NPC1: variants seen among roughly 807,000 people sequenced by gnomAD.
The protein encoded by NPC1 is Niemann-Pick C1 protein.
Under a neutral mutation model 140.4 loss-of-function variants are expected in NPC1, and 85 were observed. The ratio of observed to expected loss-of-function variants is 0.61; its 90% CI spans 0.51 to 0.72. The LOEUF (loss-of-function observed/expected upper bound fraction) is 0.72. NPC1 is among the 30% of genes least tolerant of loss of function. The probability of loss-of-function intolerance (pLI) is 0.00; values close to 1 mark genes in which losing one functional copy is unlikely to be tolerated. For missense variants in NPC1, 1,504 were observed against 1,623.8 expected, an observed-to-expected ratio of 0.93 and a Z score of 1.27; for synonymous variants, 656 against 624.8, an observed-to-expected ratio of 1.05 and a Z score of -0.74.
chr18:23,508,936 C>G (rs2057779533), intron 3 of NPC1, among the ~76,000 whole-genome samples: 2 of 152,150 alleles, frequency 1.3e-5, no homozygotes, highest in Admixed American at 1.3e-4. Flanking sequence ...GAGCTCTGGT[C>G]AGTTACTTTT....
intron 2 of NPC1, among the ~76,000 whole-genome samples, chr18:23,572,641 C>T (rs2059219770): frequency 7.3e-6 from 1 of 136,780 alleles, no homozygotes; most frequent in Non-Finnish European, 1.6e-5. Flanking sequence ...TGAGACCAGG[C>T]TAGGCAACAT....
In NPC1 at chr18:23,545,120, T is replaced by C; in HGVS notation, c.1787A>G (p.Asn596Ser). Reference protein sequence around the residue: ...EFINFVKNYKNPNLTISFTAE... With the variant: ...EFINFVKNYKSPNLTISFTAE... Reference sequence around the variant, plus strand: ...AGTGAAGGAAATGGTCAGATTGGGATTCTTGTAGTTTTTCACAAAATTAAT... The same window carrying C: ...AGTGAAGGAAATGGTCAGATTGGGACTCTTGTAGTTTTTCACAAAATTAAT... Residue 596 changes from asparagine (N) to serine (S), a missense_variant, in exon 12 of 25, where the codon AAT becomes AGT. By Grantham distance (46) the Asn-to-Ser change is conservative. Coordinates refer to ENST00000269228, the MANE Select transcript of NPC1 (RefSeq NM_000271.5). 1 of 1,613,408 alleles carries C rather than the reference T, an allele frequency of 6.2e-7. No homozygotes were observed. Among genetic ancestry groups the C allele is most frequent in the Non-Finnish European group, 8.5e-7 (1 of 1,179,322 alleles).
Position 23,531,738 on chromosome 18 carries a change from A to G in NPC1, c.*464T>C. The stretch of plus-strand genomic sequence containing the variant: ...GCTGTTTTTTTATATAAAAATGTGT[A>G]CAAAGTTAATTTATTGCATTAATAA... On this transcript the variant is annotated 3_prime_UTR_variant, in exon 25 of 25. Coordinates refer to ENST00000269228, the MANE Select transcript of NPC1 (RefSeq NM_000271.5). The G allele has an allele frequency of 6.3e-7, 1 of 1,593,372 alleles. No individual in the cohort carries two copies. The highest frequency in any genetic ancestry group is 8.5e-7 in the Non-Finnish European group (1 of 1,174,054).
intron 1 of NPC1, among the ~76,000 whole-genome samples, chr18:23,584,197 AT>A (rs1473445303): frequency 8.5e-5 from 13 of 152,194 alleles, no homozygotes; most frequent in African/African-American, 3.1e-4. Flanking sequence ...CCCAACATGT[AT>A]TTCAGATCTT....
At chr18:23,537,782 C>T (rs2058653831) in intron 20 of NPC1, among the ~76,000 whole-genome samples, 1 of 152,204 alleles carries the variant, frequency 6.6e-6, no homozygotes, top group Admixed American at 6.5e-5. Flanking sequence ...GTAAATCAAG[C>T]TGCAAGATTC....
chr18:23,536,424 C>G (rs749285836), intron 21 of NPC1, among the ~76,000 whole-genome samples: 1 of 152,214 alleles, frequency 6.6e-6, no homozygotes, highest in Non-Finnish European at 1.5e-5. Context: ...CAGTGTGTGT[C>G]TCTTGCAGCT....
chr18:23,535,544 G>T lies in NPC1; in HGVS notation c.3402C>A (p.Val1134=), dbSNP rs1392581535. The change falls in exon 22 of 25, where the codon GTC becomes GTA. Residue 1134 remains valine (V), a synonymous_variant. Transcript: ENST00000269228. The part of the protein sequence containing the change: ...AVIMCATIAM[V]LVNMFGVMWL... ...ACATAACTCCAAACATGTTGACCAAGACCATGGCGATGGTGGCACACATGA... is the reference window on the plus strand; with the variant it reads ...ACATAACTCCAAACATGTTGACCAATACCATGGCGATGGTGGCACACATGA... The T allele has an allele frequency of 1.2e-6, 2 of 1,614,056 alleles. No homozygotes were observed. The highest frequency in any genetic ancestry group is 1.3e-5 in the African/African-American group (1 of 75,026).
chr18:23,548,739 T>C (rs896790829), intron 10 of NPC1, among the ~76,000 whole-genome samples: 2 of 152,202 alleles, frequency 1.3e-5, no homozygotes, highest in Non-Finnish European at 2.9e-5. Context: ...CCTATAAATA[T>C]TTTAATGTGT....
rs781251338 is a variant in NPC1, at chr18:23,538,526, T to A, written c.3041+16A>T. The A allele has an allele frequency of 1.2e-5, 19 of 1,614,014 alleles. No individual in the cohort carries two copies. Among genetic ancestry groups the A allele is most frequent in the Non-Finnish European group, 6.8e-6 (8 of 1,180,000 alleles). ...AGTTGCAGTGGATGCTTATCTGCAA[T>A]GGCAGCAGCACTTACCCTTTGCCAC... On this transcript the variant is annotated intron_variant, in intron 20 of 24. Transcript: ENST00000269228.
Position 23,567,384 on chromosome 18 carries a change from CAT to C in NPC1, c.463+1437_463+1438del, listed in dbSNP as rs1294689029. Among the ~76,000 whole-genome samples the C allele has an allele frequency of 1.6e-4, 25 of 152,298 alleles. No homozygotes were observed. In the East Asian group the frequency reaches 3.5e-3, roughly 21 times the overall value. On this transcript the variant is annotated intron_variant, in intron 4 of 24. Coordinates refer to ENST00000269228, the MANE Select transcript of NPC1 (RefSeq NM_000271.5). ...GTTTTAATTTGTAATTCTCTAATGA[CAT>C]AATGTTGAGCATCTCTTCTCATGTA... is the stretch of plus-strand genomic sequence containing the variant.
At chr18:23,518,937 C>T, downstream of NPC1, 1 of 1,614,166 alleles carries the variant, frequency 6.2e-7, no homozygotes, top group Non-Finnish European at 8.5e-7. Context: ...TCTCGGACCT[C>T]CAACAGCACA....
intron 24 of NPC1, chr18:23,533,060 T>C: frequency 1.4e-6 from 1 of 733,732 alleles, no homozygotes; most frequent in Non-Finnish European, 1.9e-6. Context: ...AGGGAGGAGC[T>C]GCCCTGCCTG....
intron 3 of NPC1, among the ~76,000 whole-genome samples, chr18:23,511,024 C>T (rs1039090685): frequency 1.4e-4 from 22 of 152,180 alleles, no homozygotes; most frequent in Non-Finnish European, 2.2e-4. Context: ...GGCACATGCA[C>T]GTGAATGTTC....
downstream of NPC1, chr18:23,529,632 T>C (rs757043028): frequency 2.1e-5 from 34 of 1,613,712 alleles, no homozygotes; most frequent in Non-Finnish European, 2.6e-5. Context: ...TTTTTCTCCC[T>C]AGGAGATGCC....
Position 23,531,526 on chromosome 18 carries a change from AAAAATAAGTT to A in NPC1, c.*666_*675del. The A allele has an allele frequency of 6.6e-7, 1 of 1,522,044 alleles. No individual in the cohort carries two copies. The highest frequency in any genetic ancestry group is 1.3e-5 in the South Asian group (1 of 76,304). 94.3% of individuals were successfully genotyped at this position (1,522,044 alleles called of 1,614,324 possible). ...AGGAAAACAATGTATTTTATTAAAG[AAAAATAAGTT>A]AAAACCCAGTAGACACACCTACGAG... On this transcript the variant is annotated 3_prime_UTR_variant, in exon 25 of 25. Transcript: ENST00000269228.
downstream of NPC1, chr18:23,529,135 C>G: frequency 1.3e-6 from 2 of 1,594,510 alleles, no homozygotes; most frequent in Non-Finnish European, 1.7e-6. Context: ...AGCACCCTTC[C>G]TCTAAGATGC....
chr18:23,562,938 T>A (rs1450829533), intron 4 of NPC1, among the ~76,000 whole-genome samples: 1 of 152,250 alleles, frequency 6.6e-6, no homozygotes, highest in East Asian at 1.9e-4. Flanking sequence ...TAATGGAGTT[T>A]AGCATATTCA....
At chr18:23,556,738 A>T in intron 7 of NPC1, 125 bp from the exon 8 acceptor site, 4 of 1,432,712 alleles carry the variant, frequency 2.8e-6, no homozygotes, top group Non-Finnish European at 3.8e-6. Flanking sequence ...GACACATATG[A>T]GACCCCTGCC....
chr18:23,554,442 C>T (rs915827486), intron 9 of NPC1, among the ~76,000 whole-genome samples: 4 of 152,066 alleles, frequency 2.6e-5, no homozygotes, highest in African/African-American at 9.7e-5. Flanking sequence ...CCCATCTCTA[C>T]TGAAAATACA....
Sources: allele counts gnomAD v4.1 joint callset (sites outside exome capture counted in the v4.1 genomes callset), GRCh38; gene constraint gnomAD v4.1.1; transcripts MANE v1.5; gene names NCBI Gene and HGNC (gene_info 2026-07-23, HGNC 2026-07-21).